Variants in ANKRD30B observed in about 807,000 individuals in gnomAD.
ANKRD30B encodes ankyrin repeat domain 30B.
Under a neutral mutation model 202.2 loss-of-function variants are expected in ANKRD30B, and 144 were observed. That is an observed-to-expected ratio of 0.71 (90% CI 0.62 to 0.82). ANKRD30B has a LOEUF of 0.82. Among genes scored for constraint, ANKRD30B ranks in the 40% least tolerant of loss-of-function variants. The pLI is 0.00. For synonymous variants in ANKRD30B, 508 were observed against 561.3 expected (o/e 0.91, Z 1.34); for missense variants, 1,487 against 1,669.1 (o/e 0.89, Z 1.90).
the ANKRD30B span, among the ~76,000 whole-genome samples, chr18:14,865,688 C>T: frequency 2.0e-5 from 3 of 150,626 alleles, no homozygotes; most frequent in Non-Finnish European, 4.4e-5. Flanking sequence ...TCCTTTTTTC[C>T]TTTTGGCACT....
the ANKRD30B span, among the ~76,000 whole-genome samples, chr18:14,886,820 C>T: frequency 6.6e-6 from 1 of 152,076 alleles, no homozygotes; most frequent in South Asian, 2.1e-4. Flanking sequence ...TTACTGAATC[C>T]TGATCTCAAA....
At chr18:14,902,172 G>C in the ANKRD30B span, among the ~76,000 whole-genome samples, 1 of 152,060 alleles carries the variant, frequency 6.6e-6, no homozygotes, top group African/African-American at 2.4e-5. Flanking sequence ...TTTCCAACCC[G>C]GTCCCTGCCA....
chr18:14,763,041 T>C (rs1915506710), intron 6 of ANKRD30B, among the ~76,000 whole-genome samples: 1 of 152,154 alleles, frequency 6.6e-6, no homozygotes, highest in East Asian at 1.9e-4. Context: ...TTCCTTGTTA[T>C]TATCATTGTC....
chr18:14,811,433 G>C (rs890433614), intron 28 of ANKRD30B, among the ~76,000 whole-genome samples: 1 of 151,038 alleles, frequency 6.6e-6, no homozygotes, highest in Non-Finnish European at 1.5e-5. Context: ...GGATGGTCTT[G>C]ACCTGCTGAC....
chr18:14,910,678 T>A, the ANKRD30B span, among the ~76,000 whole-genome samples: 1 of 152,140 alleles, frequency 6.6e-6, no homozygotes, highest in East Asian at 1.9e-4. Flanking sequence ...GTGGTTCTAT[T>A]TTTAGTTATT....
the ANKRD30B span, among the ~76,000 whole-genome samples, chr18:14,926,583 T>A: frequency 2.6e-5 from 4 of 152,324 alleles, no homozygotes; most frequent in Non-Finnish European, 4.4e-5. Context: ...CAAGGTAATA[T>A]TTGAATTTTT....
the ANKRD30B span, among the ~76,000 whole-genome samples, chr18:14,874,517 A>G: frequency 6.6e-6 from 1 of 152,360 alleles, no homozygotes; most frequent in African/African-American, 2.4e-5. Flanking sequence ...TGTTTTCATA[A>G]CATTCCATTA....
At chr18:14,913,550 G>A in the ANKRD30B span, among the ~76,000 whole-genome samples, 2 of 152,182 alleles carry the variant, frequency 1.3e-5, no homozygotes, top group Admixed American at 6.5e-5. Flanking sequence ...ATCAGGACAG[G>A]ATCTGCGCTA....
intron 14 of ANKRD30B, among the ~76,000 whole-genome samples, chr18:14,786,440 T>C (rs970002890): frequency 6.6e-6 from 1 of 152,216 alleles, no homozygotes; most frequent in African/African-American, 2.4e-5. Context: ...TTAAAGCAGT[T>C]CTTAATTTAT....
Position 14,799,119 on chromosome 18 carries a change from G to C in ANKRD30B, c.2048G>C (p.Gly683Ala), listed in dbSNP as rs1367372595. The change falls in exon 21 of 44, where the codon GGT becomes GCT. Residue 683 changes from glycine to alanine, a missense_variant. By Grantham distance (60) the Gly-to-Ala change is moderately conservative. Transcript: ENST00000690538. ...CTTTTAGAGTCTCCTGATAATGATG[G>C]TCTTCTGAAGGTAATAACTTTTATA... ...TLKAESPDND[G>A]LLKPTCGRKV... 1 of 1,577,674 alleles carries C rather than the reference G, an allele frequency of 6.3e-7. No homozygotes were observed. The highest frequency in any genetic ancestry group is 8.7e-7 in the Non-Finnish European group (1 of 1,149,326).
intron 16 of ANKRD30B, among the ~76,000 whole-genome samples, chr18:14,794,010 A>T (rs1169874412): frequency 2.0e-5 from 3 of 152,206 alleles, no homozygotes; most frequent in Non-Finnish European, 4.4e-5. Context: ...CCTTTGTTTA[A>T]GTGTATGTCC....
intron 9 of ANKRD30B, among the ~76,000 whole-genome samples, chr18:14,776,571 C>T (rs1967366965): frequency 6.6e-6 from 1 of 152,182 alleles, no homozygotes; most frequent in South Asian, 2.1e-4. Flanking sequence ...CTTAGAATGA[C>T]TAGCATGCAG....
At chr18:14,883,061 G>A in the ANKRD30B span, among the ~76,000 whole-genome samples, 2 of 145,216 alleles carry the variant, frequency 1.4e-5, no homozygotes, top group Admixed American at 7.0e-5. Flanking sequence ...CAGAAAATAC[G>A]GAGGCATCTA....
At chr18:14,873,524 C>CAACA in the ANKRD30B span, among the ~76,000 whole-genome samples, 1 of 90,652 alleles carries the variant, frequency 1.1e-5, no homozygotes, top group African/African-American at 4.2e-5. Context: ...GACTCCGTTT[C>CAACA]AAAAAAAAAA....
Position 14,799,209 on chromosome 18 carries a change from C to T in ANKRD30B, c.2059-14C>T, listed in dbSNP as rs1007368302. The T allele has an allele frequency of 6.3e-7, 1 of 1,583,300 alleles. No individual in the cohort carries two copies. Among genetic ancestry groups the T allele is most frequent in the East Asian group, 2.4e-5 (1 of 41,574 alleles). ...ACATTATATGTTAATTTTTGTGTTT[C>T]CAAACCCATTTAGCCTACCTGTGGA... is the stretch of plus-strand genomic sequence containing the variant. On this transcript the variant is annotated splice_polypyrimidine_tract_variant and intron_variant, in intron 21 of 43. Coordinates refer to ENST00000690538, the MANE Select transcript of ANKRD30B (RefSeq NM_001367607.2).
At position 14,787,052 on chromosome 18, in the gene ANKRD30B, A is replaced by G. The variant is rs771613619; in HGVS notation, c.1686A>G (p.Pro562=). The G allele has an allele frequency of 2.5e-6, 4 of 1,609,714 alleles. No homozygotes were observed. The Admixed American group carries it at 5.0e-5, about 20-fold the overall frequency. The change falls in exon 15 of 44, where the codon CCA becomes CCG. Residue 562 remains proline (P), a synonymous_variant. Coordinates refer to ENST00000690538, the MANE Select transcript of ANKRD30B (RefSeq NM_001367607.2). ...EQTLRAAQMF[P]SESKQKDDEE... is the part of the protein sequence containing the mutation. Reference sequence around the variant, plus strand: ...AACCTTTTATAGCTCAGATGTTCCCATCAGAATCCAAACAAAAGGACGATG... The same window carrying G: ...AACCTTTTATAGCTCAGATGTTCCCGTCAGAATCCAAACAAAAGGACGATG...
At chr18:14,929,338 A>C in the ANKRD30B span, among the ~76,000 whole-genome samples, 2 of 152,012 alleles carry the variant, frequency 1.3e-5, no homozygotes. Flanking sequence ...TTTTCCATCC[A>C]CGTCACCACA....
chr18:14,893,219 G>T, the ANKRD30B span, among the ~76,000 whole-genome samples: 5 of 152,252 alleles, frequency 3.3e-5, no homozygotes, highest in Non-Finnish European at 7.4e-5. Flanking sequence ...TTTTATTCAA[G>T]AAAAGCTCAA....
the ANKRD30B span, among the ~76,000 whole-genome samples, chr18:14,922,649 C>T: frequency 2.9e-4 from 34 of 115,298 alleles, no homozygotes; most frequent in East Asian, 5.5e-3. Flanking sequence ...AGTGAGACTC[C>T]GTCTCAAAAA....
Sources: allele counts gnomAD v4.1 joint callset (sites outside exome capture counted in the v4.1 genomes callset), GRCh38; gene constraint gnomAD v4.1.1; transcripts MANE v1.5; gene names NCBI Gene and HGNC (gene_info 2026-07-23, HGNC 2026-07-21).